GRP: variants seen among roughly 807,000 people sequenced by gnomAD.
The protein encoded by GRP is gastrin releasing peptide.
Under a neutral mutation model 12.7 loss-of-function variants are expected in GRP, and 11 were observed. The observed-to-expected ratio is 0.87, with a 90% confidence interval of 0.55 to 1.44. The LOEUF is 1.44. GRP is among the 40% of genes most tolerant of loss of function. The pLI, the probability that GRP is intolerant of heterozygous loss-of-function variation, is 0.00. For missense variants in GRP, 212 were observed against 185.4 expected (o/e 1.14, Z -0.83); for synonymous variants, 84 against 77.7 (o/e 1.08, Z -0.43).
chr18:59,220,460 G>A (rs2069812808), intron 1 of GRP, 56 bp downstream of exon 1: 32 of 1,307,596 alleles, frequency 2.4e-5, no homozygotes, highest in Non-Finnish European at 2.9e-5. Flanking sequence ...TCAGCCAGCC[G>A]GAGGGGACCT....
chr18:59,220,474 TCCC>T, intron 1 of GRP, 70 bp downstream of exon 1: 2 of 1,274,958 alleles, frequency 1.6e-6, no homozygotes, highest in South Asian at 4.1e-5. Flanking sequence ...GGGACCTGTC[TCCC>T]CATTTCTTTG....
chr18:59,227,211 G>C (rs1407815877), intron 2 of GRP, among the ~76,000 whole-genome samples: 4 of 151,416 alleles, frequency 2.6e-5, no homozygotes, highest in African/African-American at 9.7e-5. Flanking sequence ...ATGCTAAATG[G>C]AAACTGAAGT....
In GRP at chr18:59,225,675, A is replaced by T; in HGVS notation, c.323A>T (p.Gln108Leu). 2 of 1,614,068 alleles carry T rather than the reference A, an allele frequency of 1.2e-6. No homozygotes were observed. The highest frequency in any genetic ancestry group is 1.7e-6 in the Non-Finnish European group (2 of 1,179,926). Residue 108 changes from glutamine (Q) to leucine (L), a missense_variant, in exon 2 of 3, where the codon CAG (glutamine) becomes CTG (leucine). Transcript: ENST00000256857. Reference protein sequence around the residue: ...PPQPKALGNQQPSWDSEDSSN... With the variant: ...PPQPKALGNQLPSWDSEDSSN... ...CAACCCAAGGCCCTGGGCAATCAGC[A>T]GCCTTCGTGGGATTCAGAGGATAGC... is the stretch of plus-strand genomic sequence containing the variant.
chr18:59,220,488 C>G, intron 1 of GRP, 84 bp downstream of exon 1: 1 of 1,204,234 alleles, frequency 8.3e-7, no homozygotes, highest in African/African-American at 1.6e-5. Flanking sequence ...CATTTCTTTG[C>G]GTTTCCCTGG....
chr18:59,219,213 G>A (rs140731042), upstream of GRP, among the ~76,000 whole-genome samples: 17 of 151,832 alleles, frequency 1.1e-4, no homozygotes, highest in African/African-American at 1.7e-4. Context: ...TTCAGGTAGA[G>A]GCAGCCTAGG....
Position 59,220,249 on chromosome 18 carries a change from G to C in GRP, c.-17G>C. ...CCCAGCCTCTCCGGCGCGCTCCAAG[G>C]GCTTCCCGTCGGGACCATGCGCGGC... On this transcript the variant is annotated 5_prime_UTR_variant, in exon 1 of 3. Coordinates refer to ENST00000256857, the MANE Select transcript of GRP (RefSeq NM_002091.5). 2 of 1,486,326 alleles carry C rather than the reference G, an allele frequency of 1.3e-6. No homozygotes were observed. Among genetic ancestry groups the C allele is most frequent in the Non-Finnish European group, 8.9e-7 (1 of 1,122,668 alleles). 92.1% of individuals were successfully genotyped at this position (1,486,326 alleles called of 1,614,324 possible).
intron 2 of GRP, among the ~76,000 whole-genome samples, chr18:59,229,298 T>C (rs553710351): frequency 6.6e-6 from 1 of 152,280 alleles, no homozygotes; most frequent in Non-Finnish European, 1.5e-5. Context: ...TTTTTCCTTT[T>C]AGTTTTATTC....
chr18:59,222,783 GA>G (rs2069856238), intron 1 of GRP, among the ~76,000 whole-genome samples: 1 of 152,150 alleles, frequency 6.6e-6, no homozygotes, highest in African/African-American at 2.4e-5. Context: ...TGCAGCAATG[GA>G]AAAAAGGTTA....
chr18:59,226,695 TG>T (rs1376693643), intron 2 of GRP, among the ~76,000 whole-genome samples: 3 of 152,232 alleles, frequency 2.0e-5, no homozygotes, highest in African/African-American at 7.2e-5. Context: ...TGGTCCTCAT[TG>T]ATCTTAATAT....
chr18:59,227,185 C>T (rs192540211), intron 2 of GRP, among the ~76,000 whole-genome samples: 14 of 151,738 alleles, frequency 9.2e-5, no homozygotes, highest in African/African-American at 2.9e-4. Context: ...CCTTGGCCTC[C>T]CAAATGTGGG....
chr18:59,225,523 GTCT>G lies in GRP; in HGVS notation c.178_180del (p.Ser60del), dbSNP rs749552860. ...TAATGGGGAAAAAGAGCACAGGGGA[GTCT>G]TCTTCTGTTTCTGAGAGAGGGAGCC... On this transcript the variant is annotated inframe_deletion, in exon 2 of 3. Coordinates refer to ENST00000256857, the MANE Select transcript of GRP (RefSeq NM_002091.5). The G allele has an allele frequency of 1.2e-4, 193 of 1,613,498 alleles. 3 individuals carry two copies. The Middle Eastern group carries it at 4.6e-3, about 39-fold the overall frequency.
At chr18:59,219,710 G>A (rs1251968425), upstream of GRP, among the ~76,000 whole-genome samples, 1 of 152,128 alleles carries the variant, frequency 6.6e-6, no homozygotes, top group Non-Finnish European at 1.5e-5. Flanking sequence ...AGAATCAGAA[G>A]GCCTTCAAAT....
Position 59,230,414 on chromosome 18 carries a change from C to G in GRP, c.393C>G (p.Leu131=). Residue 131 remains leucine (L), a synonymous_variant, in exon 3 of 3, where the codon CTC becomes CTG. Coordinates refer to ENST00000256857, the MANE Select transcript of GRP (RefSeq NM_002091.5). ...DVGSKGKVGR[L]SAPGSQREGR... ...CTAATATTTCTTAAGTTGGTAGACT[C>G]TCTGCTCCAGGTTCTCAACGTGAAG... 1.9e-6 allele frequency: 3 copies of G among 1,578,680 alleles called. No individual in the cohort carries two copies. The highest frequency in any genetic ancestry group is 2.2e-5 in the South Asian group (2 of 90,322).
At chr18:59,228,727 T>A (rs1052386513) in intron 2 of GRP, among the ~76,000 whole-genome samples, 1 of 152,168 alleles carries the variant, frequency 6.6e-6, no homozygotes, top group Admixed American at 6.5e-5. Flanking sequence ...ATGGAACTTT[T>A]CCCCCATGGT....
intron 2 of GRP, among the ~76,000 whole-genome samples, chr18:59,225,986 C>T (rs57610831): frequency 0.033 from 4,990 of 151,894 alleles, 109 homozygotes; most frequent in African/African-American, 0.061. Context: ...TTTGCCATTA[C>T]GCATTGATGG....
At chr18:59,226,355 C>T (rs921474099) in intron 2 of GRP, among the ~76,000 whole-genome samples, 1 of 152,092 alleles carries the variant, frequency 6.6e-6, no homozygotes, top group African/African-American at 2.4e-5. Flanking sequence ...ATAAAATTTA[C>T]AGGAAGAAAG....
chr18:59,227,381 T>C (rs2069960850), intron 2 of GRP, among the ~76,000 whole-genome samples: 1 of 152,210 alleles, frequency 6.6e-6, no homozygotes, highest in Non-Finnish European at 1.5e-5. Flanking sequence ...ACCTGTGTCA[T>C]AGGTGTTATG....
At chr18:59,221,300 C>T (rs4940452) in intron 1 of GRP, among the ~76,000 whole-genome samples, 1 of 152,252 alleles carries the variant, frequency 6.6e-6, no homozygotes, top group South Asian at 2.1e-4. Flanking sequence ...GCTGCGGGTG[C>T]GGAGGGCGCC....
chr18:59,220,361 C>T lies in GRP; in HGVS notation c.96C>T (p.Thr32=). ...TCCCGCTGCCTGCGGGCGGAGGGAC[C>T]GTGCTGACCAAGATGTACCCGCGCG... ...RAVPLPAGGG[T]VLTKMYPRGN... The change falls in exon 1 of 3, where the codon ACC becomes ACT. Residue 32 remains threonine, a synonymous_variant. Transcript: ENST00000256857. 3.4e-6 allele frequency: 5 copies of T among 1,462,508 alleles called. No homozygotes were observed. Among genetic ancestry groups the T allele is most frequent in the Non-Finnish European group, 3.6e-6 (4 of 1,110,320 alleles). The allele number at this position is 1,462,508 out of a possible 1,614,324, so 90.6% of individuals were successfully genotyped here.
Sources: gnomAD v4.1 joint callset for allele counts (sites outside exome capture counted in the v4.1 genomes callset) on GRCh38, gnomAD v4.1.1 for gene constraint, MANE v1.5 for transcripts, NCBI Gene and HGNC (gene_info 2026-07-23, HGNC 2026-07-21) for gene names.